The following FBXL7 variants were observed in gnomAD, a reference collection of about 807,000 sequenced individuals.
The protein encoded by FBXL7 is F-box and leucine rich repeat protein 7.
A neutral mutation model predicts 38.3 loss-of-function variants in FBXL7; 12 were observed. That is an observed-to-expected ratio of 0.31 (90% CI 0.20 to 0.51). The LOEUF (loss-of-function observed/expected upper bound fraction) is 0.51. Among genes scored for constraint, FBXL7 ranks in the 20% least tolerant of loss-of-function variants. The pLI, the probability that FBXL7 is intolerant of heterozygous loss-of-function variation, is 0.98. For synonymous variants in FBXL7, 297 were observed against 300.9 expected (o/e 0.99, Z 0.13); for missense variants, 567 against 676.4 (o/e 0.84, Z 1.79).
intron 2 of FBXL7, among the ~76,000 whole-genome samples, chr5:15,677,976 G>A (rs575917248): frequency 7.9e-5 from 12 of 152,174 alleles, no homozygotes; most frequent in Non-Finnish European, 2.9e-5. Context: ...GGAACATTAC[G>A]TTTGTCAACT....
At chr5:15,580,958 G>A (rs1739119916) in intron 1 of FBXL7, 1 of 294,630 alleles carries the variant, frequency 3.4e-6, no homozygotes, top group Non-Finnish European at 5.0e-6. Context: ...CTAGATCCAG[G>A]GATTAGGAGT....
intron 1 of FBXL7, among the ~76,000 whole-genome samples, chr5:15,579,392 A>G (rs1382859051): frequency 2.0e-5 from 3 of 152,182 alleles, no homozygotes; most frequent in African/African-American, 7.2e-5. Flanking sequence ...CACAGGCCAT[A>G]ATTTGTCCAT....
At chr5:15,848,909 A>C (rs1255843370) in intron 2 of FBXL7, among the ~76,000 whole-genome samples, 1 of 152,232 alleles carries the variant, frequency 6.6e-6, no homozygotes, top group Non-Finnish European at 1.5e-5. Flanking sequence ...AAGGAAACAA[A>C]GCCCGAGTGA....
intron 2 of FBXL7, among the ~76,000 whole-genome samples, chr5:15,829,538 AC>A (rs1323748192): frequency 6.6e-6 from 1 of 152,206 alleles, no homozygotes; most frequent in Non-Finnish European, 1.5e-5. Context: ...AATGAAACAG[AC>A]TTTTTTTCCA....
At chr5:15,885,235 G>C (rs1456507842) in intron 2 of FBXL7, among the ~76,000 whole-genome samples, 4 of 152,176 alleles carry the variant, frequency 2.6e-5, no homozygotes, top group African/African-American at 9.7e-5. Context: ...GCCTTCCCTG[G>C]TTTTTCACCA....
At chr5:15,913,376 C>T (rs1015040534) in intron 2 of FBXL7, among the ~76,000 whole-genome samples, 4 of 151,814 alleles carry the variant, frequency 2.6e-5, no homozygotes, top group African/African-American at 7.3e-5. Context: ...CACTAACGAT[C>T]ATATTTTCAA....
At chr5:15,866,692 G>A (rs1739730172) in intron 2 of FBXL7, among the ~76,000 whole-genome samples, 2 of 131,094 alleles carry the variant, frequency 1.5e-5, no homozygotes, top group Non-Finnish European at 3.1e-5. Context: ...GACCTGGCGT[G>A]TGTTGTTCCC....
intron 2 of FBXL7, among the ~76,000 whole-genome samples, chr5:15,830,597 T>G (rs939498729): frequency 2.0e-5 from 3 of 152,094 alleles, no homozygotes; most frequent in Non-Finnish European, 4.4e-5. Context: ...TCTCCAACTT[T>G]AGAGGAGACC....
intron 2 of FBXL7, among the ~76,000 whole-genome samples, chr5:15,913,304 C>G (rs759849078): frequency 6.8e-6 from 1 of 147,048 alleles, no homozygotes; most frequent in Non-Finnish European, 1.5e-5. Flanking sequence ...TTTTAGGGTA[C>G]ATGTGCACAT....
intron 3 of FBXL7, among the ~76,000 whole-genome samples, chr5:15,931,614 G>A (rs1054510765): frequency 6.6e-6 from 1 of 152,130 alleles, no homozygotes; most frequent in Non-Finnish European, 1.5e-5. Context: ...TGACCTACAG[G>A]AAAAATTCAA....
chr5:15,648,763 G>A (rs753593640), intron 2 of FBXL7, among the ~76,000 whole-genome samples: 7 of 152,170 alleles, frequency 4.6e-5, no homozygotes, highest in Non-Finnish European at 7.3e-5. Flanking sequence ...GAAGACCTCA[G>A]TTGAACGATG....
intron 2 of FBXL7, among the ~76,000 whole-genome samples, chr5:15,689,727 C>T (rs923132046): frequency 1.3e-5 from 2 of 152,156 alleles, no homozygotes; most frequent in African/African-American, 4.8e-5. Flanking sequence ...GTAAATTAAT[C>T]AGAGTTGCTC....
At chr5:15,530,522 T>A (rs1737388805) in intron 1 of FBXL7, among the ~76,000 whole-genome samples, 1 of 152,152 alleles carries the variant, frequency 6.6e-6, no homozygotes, top group Non-Finnish European at 1.5e-5. Flanking sequence ...GCTTACAGAT[T>A]CCCAGATAAG....
chr5:15,784,961 C>G (rs1390121308), intron 2 of FBXL7, among the ~76,000 whole-genome samples: 1 of 152,170 alleles, frequency 6.6e-6, no homozygotes, highest in Non-Finnish European at 1.5e-5. Context: ...TCACTGCCAT[C>G]ATTTTTAAAG....
chr5:15,775,156 G>T (rs1736826991), intron 2 of FBXL7, among the ~76,000 whole-genome samples: 1 of 152,168 alleles, frequency 6.6e-6, no homozygotes, highest in South Asian at 2.1e-4. Context: ...CAGTGCAAAG[G>T]ATGTGCAACC....
At chr5:15,683,858 C>T (rs140443620) in intron 2 of FBXL7, among the ~76,000 whole-genome samples, 48 of 152,250 alleles carry the variant, frequency 3.2e-4, no homozygotes, top group African/African-American at 1.1e-3. Context: ...TCACTTCTTT[C>T]ACGTTCCCCC....
chr5:15,899,681 A>AG (rs1358330929), intron 2 of FBXL7, among the ~76,000 whole-genome samples: 1 of 152,190 alleles, frequency 6.6e-6, no homozygotes, highest in African/African-American at 2.4e-5. Flanking sequence ...CTCCCCAGTC[A>AG]GGAACTATTC....
At chr5:15,733,543 G>A (rs1735669939) in intron 2 of FBXL7, among the ~76,000 whole-genome samples, 1 of 152,178 alleles carries the variant, frequency 6.6e-6, no homozygotes, top group South Asian at 2.1e-4. Context: ...ACTGGGAAGA[G>A]TTAATGCAAC....
At chr5:15,625,478 C>T (rs1740781303) in intron 2 of FBXL7, among the ~76,000 whole-genome samples, 1 of 152,104 alleles carries the variant, frequency 6.6e-6, no homozygotes, top group South Asian at 2.1e-4. Flanking sequence ...TATGGTGAAA[C>T]CCCGTCTCTA....
Sources: gnomAD v4.1 joint callset for allele counts (sites outside exome capture counted in the v4.1 genomes callset) on GRCh38, gnomAD v4.1.1 for gene constraint, MANE v1.5 for transcripts, NCBI Gene and HGNC (gene_info 2026-07-23, HGNC 2026-07-21) for gene names.